CMTM8: variants seen among roughly 807,000 people sequenced by gnomAD.
CMTM8 encodes the protein CKLF like MARVEL transmembrane domain containing 8.
CMTM8 carries 12 observed loss-of-function variants against 18.6 expected under a neutral mutation model. The observed-to-expected ratio is 0.65, with a 90% CI of 0.41 to 1.05. CMTM8 has a LOEUF of 1.05. Ranked by LOEUF, CMTM8 falls within the 50% of genes least tolerant of loss-of-function variation. The pLI, the probability that CMTM8 is intolerant of heterozygous loss-of-function variation, is 0.00. For synonymous variants in CMTM8, 87 were observed against 90.6 expected (o/e 0.96, Z 0.23); for missense variants, 217 against 227.2 (o/e 0.95, Z 0.29).
At chr3:32,243,530 C>CA (rs376396855) in intron 1 of CMTM8, among the ~76,000 whole-genome samples, 38,817 of 104,146 alleles carry the variant, frequency 0.37, 6,078 homozygotes, top group East Asian at 0.6. Flanking sequence ...GACCCTGTCT[C>CA]AAAAAAAAAA....
At chr3:32,301,422 T>G (rs182998202) in intron 1 of CMTM8, among the ~76,000 whole-genome samples, 1 of 152,118 alleles carries the variant, frequency 6.6e-6, no homozygotes, top group Non-Finnish European at 1.5e-5. Flanking sequence ...ATATATAAAT[T>G]TCTATCCTGT....
At chr3:32,288,884 A>G (rs1307493916) in intron 1 of CMTM8, among the ~76,000 whole-genome samples, 5 of 152,208 alleles carry the variant, frequency 3.3e-5, no homozygotes, top group South Asian at 2.1e-4. Flanking sequence ...GTTGAGGTAC[A>G]TGCCATTAGC....
chr3:32,258,057 G>T (rs12496256), intron 1 of CMTM8, among the ~76,000 whole-genome samples: 8 of 151,834 alleles, frequency 5.3e-5, no homozygotes, highest in Non-Finnish European at 1.2e-4. Context: ...AGGGAGGGGG[G>T]CTTTAAATGT....
At chr3:32,333,182 G>C (rs1696313502) in intron 1 of CMTM8, among the ~76,000 whole-genome samples, 2 of 152,168 alleles carry the variant, frequency 1.3e-5, no homozygotes, top group South Asian at 4.1e-4. Flanking sequence ...TAATAAAACT[G>C]TATTTATGGA....
Position 32,276,924 on chromosome 3 carries a change from G to T in CMTM8, c.147+37805G>T, listed in dbSNP as rs139935757. 5.9e-3 allele frequency among the ~76,000 whole-genome samples: 901 copies of T among 151,734 alleles called. 4 individuals carry two copies. Among genetic ancestry groups the T allele is most frequent in the African/African-American group, 0.021 (857 of 41,306 alleles). ...TTTTTTTGAGATGGGGTCTCACTCT[G>T]TCACCCAGGCTAGAGTGCAGCGGCA... On this transcript the variant is annotated intron_variant, in intron 1 of 3. Coordinates refer to ENST00000307526, the MANE Select transcript of CMTM8 (RefSeq NM_178868.5).
chr3:32,316,251 T>C (rs1395157897), intron 1 of CMTM8, among the ~76,000 whole-genome samples: 10 of 151,932 alleles, frequency 6.6e-5, no homozygotes, highest in African/African-American at 2.4e-4. Context: ...ATGGTCTTGA[T>C]CTCCTGACCT....
intron 1 of CMTM8, among the ~76,000 whole-genome samples, chr3:32,268,336 T>G (rs913882138): frequency 6.6e-6 from 1 of 152,016 alleles, no homozygotes; most frequent in Non-Finnish European, 1.5e-5. Flanking sequence ...CAGCAAACCC[T>G]CGCAAGGACA....
chr3:32,331,547 C>A (rs1421004424), intron 1 of CMTM8, among the ~76,000 whole-genome samples: 8 of 137,520 alleles, frequency 5.8e-5, no homozygotes, highest in Admixed American at 1.4e-4. Flanking sequence ...ACAAATAAAC[C>A]ATACAAAAAA....
intron 1 of CMTM8, among the ~76,000 whole-genome samples, chr3:32,306,105 G>A (rs553707268): frequency 1.3e-5 from 2 of 152,172 alleles, no homozygotes; most frequent in Non-Finnish European, 2.9e-5. Context: ...CTGTGGGGTT[G>A]GTTGAGTGGT....
intron 1 of CMTM8, among the ~76,000 whole-genome samples, chr3:32,328,718 T>C (rs1379738071): frequency 6.6e-6 from 1 of 152,116 alleles, no homozygotes; most frequent in Non-Finnish European, 1.5e-5. Context: ...AACAATTATA[T>C]GCCAACAAAT....
In CMTM8 at chr3:32,239,020, C is replaced by A. The variant is rs1701908256; in HGVS notation, c.48C>A (p.Ala16=). The A allele has an allele frequency of 6.4e-7, 1 of 1,569,370 alleles. No individual in the cohort carries two copies. The highest frequency in any genetic ancestry group is 8.6e-7 in the Non-Finnish European group (1 of 1,157,846). The part of the protein sequence containing the change: ...RARSHTVTTT[A]SSFAENFSTS... ...GCTCGCACACAGTCACCACCACCGC[C>A]AGCTCCTTCGCAGAGAACTTCTCCA... is the stretch of plus-strand genomic sequence containing the variant. Residue 16 remains alanine, a synonymous_variant, in exon 1 of 4, where the codon GCC becomes GCA. Transcript: ENST00000307526.
chr3:32,322,758 T>C (rs1307062455), intron 1 of CMTM8, among the ~76,000 whole-genome samples: 7 of 152,140 alleles, frequency 4.6e-5, no homozygotes, highest in Non-Finnish European at 8.8e-5. Context: ...TGAGACCGAG[T>C]TGCTGTAAGT....
At chr3:32,281,256 C>T (rs959672534) in intron 1 of CMTM8, among the ~76,000 whole-genome samples, 1 of 152,144 alleles carries the variant, frequency 6.6e-6, no homozygotes, top group Non-Finnish European at 1.5e-5. Context: ...TTCTCTTACC[C>T]ATCAAAAGAA....
At position 32,261,666 on chromosome 3, in the gene CMTM8, C is replaced by T. The variant is rs185918876; in HGVS notation, c.147+22547C>T. ...GTTCATTGTCTCAGTTGATAATAAACCAGTCCCAGGTTATGGGGAATCCCT... is the reference window on the plus strand; with the variant it reads ...GTTCATTGTCTCAGTTGATAATAAATCAGTCCCAGGTTATGGGGAATCCCT... On this transcript the variant is annotated intron_variant, in intron 1 of 3. Transcript: ENST00000307526. 5.8e-3 allele frequency among the ~76,000 whole-genome samples: 877 copies of T among 152,282 alleles called. 3 individuals are homozygous for T. The highest frequency in any genetic ancestry group is 7.6e-3 in the Non-Finnish European group (519 of 68,030).
intron 1 of CMTM8, among the ~76,000 whole-genome samples, chr3:32,239,671 G>C (rs1444359563): frequency 6.6e-6 from 1 of 152,112 alleles, no homozygotes; most frequent in African/African-American, 2.4e-5. Flanking sequence ...TCCTGGTTTA[G>C]GCTCAGAACA....
chr3:32,246,034 C>G (rs1685121350), intron 1 of CMTM8, among the ~76,000 whole-genome samples: 1 of 152,132 alleles, frequency 6.6e-6, no homozygotes, highest in South Asian at 2.1e-4. Context: ...GCTAGGCTGG[C>G]CTCGAACTCC....
intron 1 of CMTM8, among the ~76,000 whole-genome samples, chr3:32,322,064 T>G (rs1337883354): frequency 6.6e-6 from 1 of 152,196 alleles, no homozygotes; most frequent in African/African-American, 2.4e-5. Context: ...CTGACTTCAG[T>G]GCTAAATGAT....
intron 2 of CMTM8, among the ~76,000 whole-genome samples, chr3:32,363,167 C>G (rs1308476088): frequency 6.6e-6 from 1 of 152,154 alleles, no homozygotes; most frequent in Non-Finnish European, 1.5e-5. Flanking sequence ...TAAGAGAGGT[C>G]CAAAACAACA....
intron 1 of CMTM8, among the ~76,000 whole-genome samples, chr3:32,314,952 A>G (rs552305452): frequency 6.6e-6 from 1 of 152,028 alleles, no homozygotes; most frequent in South Asian, 2.1e-4. Flanking sequence ...AACATAGGTG[A>G]AAACTTAATA....
Sources: allele counts gnomAD v4.1 joint callset (sites outside exome capture counted in the v4.1 genomes callset), GRCh38; gene constraint gnomAD v4.1.1; transcripts MANE v1.5; gene names NCBI Gene and HGNC (gene_info 2026-07-23, HGNC 2026-07-21).